EPPK1: variants seen among roughly 807,000 people sequenced by gnomAD.
The protein encoded by EPPK1 is epiplakin.
For synonymous variants in EPPK1, 1,862 were observed against 1,721.2 expected (o/e 1.08, Z -2.03); for missense variants, 3,823 against 3,673.3 (o/e 1.04, Z -1.05).
chr8:143,867,719 G>A lies in EPPK1; in HGVS notation c.5535C>T (p.Ile1845=). 1 of 1,613,732 alleles carries A rather than the reference G, an allele frequency of 6.2e-7. No homozygotes were observed. Among genetic ancestry groups the A allele is most frequent in the African/African-American group, 1.3e-5 (1 of 75,020 alleles). ...IEETETQNQG[I]KVAAIRGEVT... is the part of the protein sequence containing the mutation. ...CCTCCCCTCTGATGGCCGCCACTTT[G>A]ATGCCTTGGTTTTGCGTCTCTGTTT... Residue 1845 remains isoleucine, a synonymous_variant, in exon 2 of 2, where the codon ATC becomes ATT. Coordinates refer to ENST00000615648, the MANE Select transcript of EPPK1 (RefSeq NM_031308.4).
In EPPK1 at chr8:143,869,390, G is replaced by A. The variant is rs782335306; in HGVS notation, c.3864C>T (p.Phe1288=). ...RLLEAQVASG[F]LVDPLNNQRL... ...TCTGGTTGTTCAGGGGGTCAACAAG[G>A]AAGCCAGATGCCACCTGGGCTTCCA... The change falls in exon 2 of 2, where the codon TTC becomes TTT. Residue 1288 remains phenylalanine, a synonymous_variant. Coordinates refer to ENST00000615648, the MANE Select transcript of EPPK1 (RefSeq NM_031308.4). The A allele has an allele frequency of 1.2e-6, 2 of 1,609,634 alleles. No homozygotes were observed. Among genetic ancestry groups the A allele is most frequent in the Non-Finnish European group, 1.7e-6 (2 of 1,178,876 alleles).
Position 143,869,049 on chromosome 8 carries a change from A to G in EPPK1, c.4205T>C (p.Phe1402Ser). ...VLTAVDKDNK[F>S]FFDPSARDQV... ...GTCCCGCGCACTGGGGTCAAAGAAG[A>G]ACTTGTTGTCCTTGTCAACTGCAGT... is the stretch of plus-strand genomic sequence containing the variant. Residue 1402 changes from phenylalanine to serine, a missense_variant, in exon 2 of 2, where the codon TTC (phenylalanine) becomes TCC (serine). Physicochemically the swap from Phe to Ser is radical, Grantham distance 155. Coordinates refer to ENST00000615648, the MANE Select transcript of EPPK1 (RefSeq NM_031308.4). 6.2e-7 allele frequency: 1 copy of G among 1,609,410 alleles called. No homozygotes were observed. Among genetic ancestry groups the G allele is most frequent in the Non-Finnish European group, 8.5e-7 (1 of 1,179,802 alleles).
chr8:143,876,389 A>T (rs1819478559), intron 1 of EPPK1, among the ~76,000 whole-genome samples: 1 of 152,080 alleles, frequency 6.6e-6, no homozygotes, highest in South Asian at 2.1e-4. Flanking sequence ...ACCCTGCAAA[A>T]CTTGTTTCTG....
At chr8:143,878,548 CGCGGG>C (rs367956335), upstream of EPPK1, 56,058 of 148,850 alleles carry the variant, frequency 0.38, 11,107 homozygotes, top group Middle Eastern at 0.47. Flanking sequence ...GGGGCCCCGA[CGCGGG>C]GCGGGGCGGG....
rs371165578 is a variant in EPPK1 at position 143,872,887 on chromosome 8, G to A, written c.367C>T (p.Pro123Ser). ...AGCTTCTCACCGCCGTAGGGGTCAG[G>A]ATAGCCCGTAGTGGCACGCTCAGCG... is the stretch of plus-strand genomic sequence containing the variant. ...LAAERATTGY[P>S]DPYGGEKLAL... The change falls in exon 2 of 2, where the codon CCT (proline) becomes TCT (serine). Residue 123 changes from proline (P) to serine (S), a missense_variant. Physicochemically the swap from Pro to Ser is moderately conservative, Grantham distance 74 (BLOSUM62 -1). Transcript: ENST00000615648. 1 of 1,602,018 alleles carries A rather than the reference G, an allele frequency of 6.2e-7. No individual in the cohort carries two copies. Among genetic ancestry groups the A allele is most frequent in the Non-Finnish European group, 8.5e-7 (1 of 1,174,268 alleles).
In EPPK1 at chr8:143,870,818, C is replaced by T; in HGVS notation, c.2436G>A (p.Gln812=). Residue 812 remains glutamine, a synonymous_variant, in exon 2 of 2, where the codon CAG becomes CAA. Transcript: ENST00000615648. This position sits in a 1 kb window ranked among gnomAD's most constrained non-coding sequence, Gnocchi z 5.2. ...CGGAGAGCAGCAGGTTCTGGAAGGC[C>T]TGCTGGGTGGCACTGTCCACCAGCG... ...QSPLVDSATQ[Q]AFQNLLLSVK... 1 of 1,612,810 alleles carries T rather than the reference C, an allele frequency of 6.2e-7. No individual in the cohort carries two copies. Among genetic ancestry groups the T allele is most frequent in the East Asian group, 2.2e-5 (1 of 44,880 alleles).
In EPPK1 at chr8:143,867,581, G is replaced by A. The variant is rs917528015; in HGVS notation, c.5673C>T (p.Pro1891=). 1.2e-6 allele frequency: 2 copies of A among 1,613,012 alleles called. No homozygotes were observed. Among genetic ancestry groups the A allele is most frequent in the African/African-American group, 1.3e-5 (1 of 75,048 alleles). Reference sequence around the variant, plus strand: ...CAATGCAGCCGCTGCCTTCCAGATAGGGCTTCACACACTCCAGCGTGCTGA... The same window carrying A: ...CAATGCAGCCGCTGCCTTCCAGATAAGGCTTCACACACTCCAGCGTGCTGA... ...QALSTLECVK[P]YLEGSGCIAG... is the part of the protein sequence containing the mutation. Residue 1891 remains proline (P), a synonymous_variant, in exon 2 of 2, where the codon CCC becomes CCT. Coordinates refer to ENST00000615648, the MANE Select transcript of EPPK1 (RefSeq NM_031308.4).
At position 143,870,269 on chromosome 8, in the gene EPPK1, C is replaced by T. The variant is rs372393547; in HGVS notation, c.2985G>A (p.Pro995=). The T allele has an allele frequency of 7.5e-6, 12 of 1,595,164 alleles. No individual in the cohort carries two copies. The highest frequency in any genetic ancestry group is 2.3e-5 in the East Asian group (1 of 44,012). ...CCCGCTTCAGCCTGCCATACAGCTC[C>T]GGCCCCACCACACCCCTGCGCACGG... is the stretch of plus-strand genomic sequence containing the variant. ...DEAVRRGVVG[P]ELYGRLKRAE... The change falls in exon 2 of 2, where the codon CCG becomes CCA. Residue 995 remains proline (P), a synonymous_variant. Transcript: ENST00000615648. The surrounding 1 kb of genome is among the most constrained non-coding windows in gnomAD (Gnocchi z 5.2).
chr8:143,869,825 G>A lies in EPPK1; in HGVS notation c.3429C>T (p.Ser1143=), dbSNP rs781988798. 4 of 1,599,992 alleles carry A rather than the reference G, an allele frequency of 2.5e-6. No homozygotes were observed. The highest frequency in any genetic ancestry group is 3.4e-5 in the Admixed American group (2 of 58,186). ...QAVPGAKDGT[S]LWDLLSSCHF... is the part of the protein sequence containing the mutation. ...GGCAGGAGCTGAGCAGGTCCCAGAG[G>A]GATGTGCCATCCTTGGCCCCCGGCA... is the stretch of plus-strand genomic sequence containing the variant. The change falls in exon 2 of 2, where the codon TCC becomes TCT. Residue 1143 remains serine (S), a synonymous_variant. Coordinates refer to ENST00000615648, the MANE Select transcript of EPPK1 (RefSeq NM_031308.4).
chr8:143,879,075 C>T (rs78794793), upstream of EPPK1, among the ~76,000 whole-genome samples: 303 of 152,338 alleles, frequency 2.0e-3, 4 homozygotes, highest in East Asian at 0.03. Context: ...TGAAGCCCAT[C>T]CTGGCACCCA....
Position 143,870,640 on chromosome 8 carries a change from T to A in EPPK1, c.2614A>T (p.Thr872Ser), listed in dbSNP as rs782575760. Residue 872 changes from threonine (T) to serine (S), a missense_variant, in exon 2 of 2, where the codon ACG becomes TCG. By Grantham distance (58) the Thr-to-Ser change is moderately conservative. Transcript: ENST00000615648. The surrounding 1 kb of genome is among the most constrained non-coding windows in gnomAD (Gnocchi z 5.2). ...GQVAKLLEAETQRQADIMLPA... is the reference protein window; with the variant it reads ...GQVAKLLEAESQRQADIMLPA... ...AGCATGATGTCCGCCTGTCTCTGCG[T>A]CTCCGCCTCCAGCAGCTTTGCCACC... 1 of 1,606,486 alleles carries A rather than the reference T, an allele frequency of 6.2e-7. No homozygotes were observed. Among genetic ancestry groups the A allele is most frequent in the African/African-American group, 1.3e-5 (1 of 74,670 alleles).
upstream of EPPK1, among the ~76,000 whole-genome samples, chr8:143,878,846 C>G (rs1380300341): frequency 2.0e-5 from 3 of 152,132 alleles, no homozygotes; most frequent in African/African-American, 7.2e-5. Context: ...CCGACCCCAC[C>G]TTGTCTGCTC....
At position 143,872,886 on chromosome 8, in the gene EPPK1, G is replaced by C. The variant is rs782325354; in HGVS notation, c.368C>G (p.Pro123Arg). ...CAGCTTCTCACCGCCGTAGGGGTCA[G>C]GATAGCCCGTAGTGGCACGCTCAGC... is the stretch of plus-strand genomic sequence containing the variant. The part of the protein sequence containing the change: ...LAAERATTGY[P>R]DPYGGEKLAL... Residue 123 changes from proline to arginine, a missense_variant, in exon 2 of 2, where the codon CCT becomes CGT. Transcript: ENST00000615648. 20 of 1,601,130 alleles carry C rather than the reference G, an allele frequency of 1.2e-5. No individual in the cohort carries two copies. Among genetic ancestry groups the C allele is most frequent in the Non-Finnish European group, 1.7e-5 (20 of 1,173,970 alleles).
intron 1 of EPPK1, 113 bp from the exon 2 acceptor site, chr8:143,873,411 C>T (rs980425347): frequency 2.9e-5 from 21 of 730,648 alleles, no homozygotes; most frequent in African/African-American, 1.7e-4. Flanking sequence ...CACCCACAGA[C>T]GTGCAGCTAG....
At position 143,866,349 on chromosome 8, in the gene EPPK1, G is replaced by A. The variant is rs1218817296; in HGVS notation, c.6905C>T (p.Ser2302Leu). 3.3e-5 allele frequency: 23 copies of A among 688,026 alleles called. No homozygotes were observed. Among genetic ancestry groups the A allele is most frequent in the South Asian group, 1.6e-4 (8 of 51,436 alleles). 42.6% of individuals were successfully genotyped at this position (688,026 alleles called of 1,614,324 possible). ...GTAGCCGGTGACGGCGCGCTCGGCC[G>A]ACAGCAGCTTCTCCTGGATCTCGCC... ...VGGEIQEKLL[S>L]AERAVTGYTD... The change falls in exon 2 of 2, where the codon TCG (serine) becomes TTG (leucine). Residue 2302 changes from serine to leucine, a missense_variant. Coordinates refer to ENST00000615648, the MANE Select transcript of EPPK1 (RefSeq NM_031308.4).
At position 143,857,709 on chromosome 8, in the gene EPPK1, A is replaced by G; in HGVS notation, c.*278T>C. ...AATGGAAGCAGTGAATCCAAAACAGACAGAAAAATGTTCTGAAAACGAAAA... is the reference window on the plus strand; with the variant it reads ...AATGGAAGCAGTGAATCCAAAACAGGCAGAAAAATGTTCTGAAAACGAAAA... On this transcript the variant is annotated 3_prime_UTR_variant, in exon 2 of 2. Transcript: ENST00000615648. The G allele has an allele frequency of 2.5e-6, 1 of 399,522 alleles. No individual in the cohort carries two copies. Among genetic ancestry groups the G allele is most frequent in the Non-Finnish European group, 4.4e-6 (1 of 226,706 alleles). 24.7% of individuals were successfully genotyped at this position (399,522 alleles called of 1,614,324 possible).
chr8:143,866,435 G>C lies in EPPK1; in HGVS notation c.6819C>G (p.Ile2273Met). The change falls in exon 2 of 2, where the codon ATC becomes ATG. Residue 2273 changes from isoleucine to methionine, a missense_variant. Transcript: ENST00000615648. ...LEAQAATGFV[I>M]DPVRNLRLSV... ...ACAGCCTCAGGTTGCGCACGGGGTCGATGACGAAGCCGGTGGCCGCCTGCG... is the reference window on the plus strand; with the variant it reads ...ACAGCCTCAGGTTGCGCACGGGGTCCATGACGAAGCCGGTGGCCGCCTGCG... The C allele has an allele frequency of 7.5e-7, 1 of 1,331,474 alleles. No individual in the cohort carries two copies. The highest frequency in any genetic ancestry group is 1.4e-5 in the South Asian group (1 of 70,992). The allele number at this position is 1,331,474 out of a possible 1,614,324, so 82.5% of individuals were successfully genotyped here.
Position 143,868,961 on chromosome 8 carries a change from C to A in EPPK1, c.4293G>T (p.Leu1431=). ...GCACTGTGTCTGAGGGCAGTGGCAA[C>A]AGCAACAATCCGGTCTCGGAGTCGC... is the stretch of plus-strand genomic sequence containing the variant. ...CVCDSETGLL[L]LPLPSDTVLE... is the part of the protein sequence containing the mutation. Residue 1431 remains leucine (L), a synonymous_variant, in exon 2 of 2, where the codon CTG becomes CTT. Coordinates refer to ENST00000615648, the MANE Select transcript of EPPK1 (RefSeq NM_031308.4). 1 of 1,610,746 alleles carries A rather than the reference C, an allele frequency of 6.2e-7. No individual in the cohort carries two copies. Among genetic ancestry groups the A allele is most frequent in the Non-Finnish European group, 8.5e-7 (1 of 1,179,838 alleles).
chr8:143,869,574 T>C lies in EPPK1; in HGVS notation c.3680A>G (p.Gln1227Arg), dbSNP rs1408148108. Residue 1227 changes from glutamine (Q) to arginine (R), a missense_variant, in exon 2 of 2, where the codon CAG becomes CGG. Transcript: ENST00000615648. ...ETLEALAQGT[Q>R]SPAQVAEQPA... ...CTGCTCGGCGACCTGGGCGGGCGAC[T>C]GCGTGCCCTGAGCCAGGGCCTCAAG... 3 of 1,561,286 alleles carry C rather than the reference T, an allele frequency of 1.9e-6. No individual in the cohort carries two copies. Among genetic ancestry groups the C allele is most frequent in the Admixed American group, 1.9e-5 (1 of 53,414 alleles).
Sources: allele counts gnomAD v4.1 joint callset (sites outside exome capture counted in the v4.1 genomes callset), GRCh38; gene constraint gnomAD v4.1.1; non-coding constraint Gnocchi (gnomAD v3.1); transcripts MANE v1.5; gene names NCBI Gene and HGNC (gene_info 2026-07-23, HGNC 2026-07-21).